The following PHACTR4 variants were observed in gnomAD, a reference collection of about 807,000 sequenced individuals.
PHACTR4 encodes phosphatase and actin regulator 4, also known as protein phosphatase 1, regulatory subunit 124.
Under a neutral mutation model 72.7 loss-of-function variants are expected in PHACTR4, and 51 were observed. The ratio of observed to expected loss-of-function variants is 0.70; its 90% CI spans 0.56 to 0.89. The LOEUF is 0.89. Ranked by LOEUF, PHACTR4 falls within the 40% of genes least tolerant of loss-of-function variation. The pLI is 0.00. For synonymous variants in PHACTR4, 255 were observed against 302.5 expected, an observed-to-expected ratio of 0.84 and a Z score of 1.63; for missense variants, 731 against 861.8, an observed-to-expected ratio of 0.85 and a Z score of 1.90.
Position 28,473,628 on chromosome 1 carries a change from A to G in PHACTR4, c.898A>G (p.Ile300Val). The change falls in exon 7 of 14, where the codon ATT becomes GTT. Residue 300 changes from isoleucine to valine, a missense_variant. Physicochemically the swap from Ile to Val is conservative, Grantham distance 29. Coordinates refer to ENST00000373839, the MANE Select transcript of PHACTR4 (RefSeq NM_001048183.3). ...CCCACCCTTACCACCTAAGAGAGGC[A>G]TTCCATCAACCTCAGTACCCACCTT... ...PSPPLPPKRG[I>V]PSTSVPTLES... 6.2e-7 allele frequency: 1 copy of G among 1,614,094 alleles called. No homozygotes were observed. Among genetic ancestry groups the G allele is most frequent in the Non-Finnish European group, 8.5e-7 (1 of 1,179,998 alleles).
At chr1:28,409,099 T>C (rs1176598819) in intron 2 of PHACTR4, among the ~76,000 whole-genome samples, 8 of 151,814 alleles carry the variant, frequency 5.3e-5, no homozygotes, top group African/African-American at 1.9e-4. Flanking sequence ...TCATTTACTG[T>C]GTGTGGAACC....
rs745330368 is a variant in PHACTR4, at chr1:28,378,578, CCCTT to C, written c.-39+8754_-39+8757del. Among the ~76,000 whole-genome samples the C allele has an allele frequency of 1.3e-3, 166 of 126,590 alleles. 1 individual carries two copies. The highest frequency in any genetic ancestry group is 7.8e-3 in the Middle Eastern group (2 of 258). 83.0% of individuals were successfully genotyped at this position (126,590 alleles called of 152,430 possible). On this transcript the variant is annotated intron_variant, in intron 1 of 13. Coordinates refer to ENST00000373839, the MANE Select transcript of PHACTR4 (RefSeq NM_001048183.3). ...TTTCTTTCTCCCCCCAGCCCCCCCC[CCCTT>C]TTTTTTTAACAACCCAAGGGCACAA...
At chr1:28,387,236 G>C (rs1652627577) in intron 1 of PHACTR4, among the ~76,000 whole-genome samples, 2 of 146,340 alleles carry the variant, frequency 1.4e-5, no homozygotes, top group Admixed American at 1.4e-4. Context: ...ACTCCAGTGT[G>C]GCAACAGAGC....
chr1:28,486,121 C>T (rs1660629297), intron 9 of PHACTR4, among the ~76,000 whole-genome samples: 1 of 152,102 alleles, frequency 6.6e-6, no homozygotes, highest in Non-Finnish European at 1.5e-5. Context: ...CTTTGGGAGG[C>T]CGAGGCAGGC....
chr1:28,414,784 CAG>C (rs1375598529), intron 2 of PHACTR4, among the ~76,000 whole-genome samples: 8 of 152,058 alleles, frequency 5.3e-5, no homozygotes, highest in Non-Finnish European at 1.5e-5. Context: ...AAAATTCCGC[CAG>C]AGTTAGTGTA....
intron 6 of PHACTR4, chr1:28,467,303 G>A (rs2124487018): frequency 6.5e-6 from 1 of 152,708 alleles, no homozygotes; most frequent in East Asian, 1.9e-4. Context: ...TTTAAGTTTT[G>A]GGGGTTTTAA....
At position 28,387,081 on chromosome 1, in the gene PHACTR4, T is replaced by C. The variant is rs368983616; in HGVS notation, c.-39+17256T>C. Among the ~76,000 whole-genome samples, 8 of 152,030 alleles carry C rather than the reference T, an allele frequency of 5.3e-5. No individual in the cohort carries two copies. In the East Asian group the frequency reaches 1.5e-3, roughly 29 times the overall value. On this transcript the variant is annotated intron_variant, in intron 1 of 13. Transcript: ENST00000373839. The stretch of plus-strand genomic sequence containing the variant: ...ATCGAGACAACCCTGGCCAACATGG[T>C]GAAACCCTGTCTCTACTAAAAATAC...
intron 2 of PHACTR4, among the ~76,000 whole-genome samples, chr1:28,444,782 A>ATTTTTTTTTTTTTTTTTT (rs577693546): frequency 9.4e-5 from 11 of 116,678 alleles, no homozygotes; most frequent in African/African-American, 2.9e-4. Flanking sequence ...CACCCAGCTA[A>ATTTTTTTTTTTTTTTTTT]TTTTTTTTTT....
At chr1:28,463,913 G>A (rs1658972170) in intron 4 of PHACTR4, among the ~76,000 whole-genome samples, 1 of 151,818 alleles carries the variant, frequency 6.6e-6, no homozygotes. Context: ...TTACTTTTTT[G>A]TAGAGACAGG....
At position 28,491,850 on chromosome 1, in the gene PHACTR4, C is replaced by A. The variant is rs144964681; in HGVS notation, c.2016+63C>A. 1.2e-4 allele frequency: 181 copies of A among 1,549,582 alleles called. No individual in the cohort carries two copies. In the African/African-American group the frequency reaches 2.3e-3, roughly 20 times the overall value. ...TCTTTTTCTCTTTATTTGGAGGATC[C>A]AAGATACTAACTAGAAGGGAGAACC... On this transcript the variant is annotated intron_variant, in intron 12 of 13. Transcript: ENST00000373839.
intron 1 of PHACTR4, among the ~76,000 whole-genome samples, chr1:28,382,893 A>G (rs1249529939): frequency 6.6e-6 from 1 of 151,954 alleles, no homozygotes; most frequent in Non-Finnish European, 1.5e-5. Context: ...TCCTGGATTC[A>G]AGTGATTCTC....
At chr1:28,472,398 G>A (rs1466370936) in intron 6 of PHACTR4, among the ~76,000 whole-genome samples, 2 of 152,080 alleles carry the variant, frequency 1.3e-5, no homozygotes, top group African/African-American at 4.8e-5. Context: ...GGTATAAGGA[G>A]AATATGACTT....
At chr1:28,379,960 G>T (rs180700303) in intron 1 of PHACTR4, among the ~76,000 whole-genome samples, 479 of 150,386 alleles carry the variant, frequency 3.2e-3, no homozygotes, top group Non-Finnish European at 4.1e-3. Flanking sequence ...TTCTCAACTT[G>T]TGTTTCTATT....
chr1:28,429,031 G>A (rs1295415615), intron 2 of PHACTR4, among the ~76,000 whole-genome samples: 1 of 152,184 alleles, frequency 6.6e-6, no homozygotes, highest in Non-Finnish European at 1.5e-5. Flanking sequence ...AGGCAAGGGA[G>A]GGAACAAGAG....
intron 1 of PHACTR4, among the ~76,000 whole-genome samples, chr1:28,399,912 G>A (rs939951941): frequency 6.6e-6 from 1 of 152,192 alleles, no homozygotes; most frequent in African/African-American, 2.4e-5. Context: ...AGCATTCCAG[G>A]CTGACTGAAT....
At chr1:28,383,704 A>G (rs993261424) in intron 1 of PHACTR4, among the ~76,000 whole-genome samples, 3 of 152,082 alleles carry the variant, frequency 2.0e-5, no homozygotes, top group African/African-American at 7.2e-5. Flanking sequence ...TTGATTTTGT[A>G]TCCTGAAATT....
intron 1 of PHACTR4, among the ~76,000 whole-genome samples, chr1:28,380,812 C>T (rs1042304117): frequency 1.3e-5 from 2 of 151,912 alleles, no homozygotes; most frequent in African/African-American, 2.4e-5. Flanking sequence ...CATATGTGTG[C>T]ATATGTCTTT....
intron 1 of PHACTR4, among the ~76,000 whole-genome samples, chr1:28,396,861 T>C (rs1024668126): frequency 7.0e-5 from 10 of 143,310 alleles, no homozygotes; most frequent in Non-Finnish European, 1.1e-4. Context: ...TTTTTTTTTT[T>C]TTTGTATTTT....
chr1:28,381,036 T>G (rs1652121692), intron 1 of PHACTR4, among the ~76,000 whole-genome samples: 1 of 151,208 alleles, frequency 6.6e-6, no homozygotes, highest in Admixed American at 6.6e-5. Context: ...CGAGACAGAG[T>G]CTTGCTCTGT....
Sources: gnomAD v4.1 joint callset for allele counts (sites outside exome capture counted in the v4.1 genomes callset) on GRCh38, gnomAD v4.1.1 for gene constraint, MANE v1.5 for transcripts, NCBI Gene and HGNC (gene_info 2026-07-23, HGNC 2026-07-21) for gene names.